Variants in CACNG7 observed in about 807,000 individuals in gnomAD.
CACNG7 encodes voltage-dependent calcium channel gamma-7 subunit.
CACNG7 carries 9 observed loss-of-function variants against 26.3 expected under a neutral mutation model. The ratio of observed to expected loss-of-function variants is 0.34; its 90% CI spans 0.21 to 0.60. CACNG7 has a LOEUF of 0.60. Ranked by LOEUF, CACNG7 falls within the 20% of genes least tolerant of loss-of-function variation. CACNG7 has a pLI of 0.81. For synonymous variants in CACNG7, 170 were observed against 157.0 expected, an observed-to-expected ratio of 1.08 and a Z score of -0.62; for missense variants, 297 against 380.4, an observed-to-expected ratio of 0.78 and a Z score of 1.82.
rs115206693 is a variant in CACNG7 at position 53,911,759 on chromosome 19, G to A, written c.-29-1044G>A. Among the ~76,000 whole-genome samples the A allele has an allele frequency of 2.5e-3, 385 of 152,306 alleles. 1 individual carries two copies. Among genetic ancestry groups the A allele is most frequent in the African/African-American group, 8.4e-3 (350 of 41,560 alleles). ...CGGTCAAACCCCTGAGCCGCCAGGC[G>A]GAGGATGGGAGGATGTCATGTGTGA... On this transcript the variant is annotated intron_variant, in intron 1 of 5. Transcript: ENST00000391767.
chr19:53,930,299 C>G (rs2069062916), intron 4 of CACNG7, among the ~76,000 whole-genome samples: 1 of 151,968 alleles, frequency 6.6e-6, no homozygotes, highest in Non-Finnish European at 1.5e-5. Flanking sequence ...ACCTCTGCCC[C>G]CTGGGTTCAA....
At chr19:53,923,974 G>C (rs77223782) in intron 4 of CACNG7, among the ~76,000 whole-genome samples, 14 of 141,840 alleles carry the variant, frequency 9.9e-5, no homozygotes, top group Non-Finnish European at 1.8e-4. Context: ...GGTATTGGTG[G>C]AGTTGTCCCC....
At chr19:53,919,375 G>C (rs2068920311) in intron 4 of CACNG7, among the ~76,000 whole-genome samples, 1 of 151,818 alleles carries the variant, frequency 6.6e-6, no homozygotes, top group Non-Finnish European at 1.5e-5. Flanking sequence ...AGTTGTCCCA[G>C]GTCTGGTCAT....
intron 4 of CACNG7, among the ~76,000 whole-genome samples, chr19:53,917,490 G>A (rs2068906185): frequency 6.6e-6 from 1 of 152,056 alleles, no homozygotes; most frequent in Non-Finnish European, 1.5e-5. Flanking sequence ...TCCAGTCTCT[G>A]CTCCTCACCC....
intron 4 of CACNG7, among the ~76,000 whole-genome samples, chr19:53,924,560 T>C (rs2069005805): frequency 7.0e-6 from 1 of 143,794 alleles, no homozygotes; most frequent in Non-Finnish European, 1.5e-5. Context: ...TTGTCCGAGG[T>C]CTGGTATTGG....
chr19:53,925,092 A>G (rs1411756111), intron 4 of CACNG7, among the ~76,000 whole-genome samples: 1 of 80,412 alleles, frequency 1.2e-5, no homozygotes, highest in Non-Finnish European at 2.2e-5. Flanking sequence ...AGGTCTGGTC[A>G]TTGGTGGACT....
intron 4 of CACNG7, among the ~76,000 whole-genome samples, chr19:53,931,295 C>T (rs191588915): frequency 1.3e-5 from 2 of 152,110 alleles, no homozygotes; most frequent in Non-Finnish European, 2.9e-5. Flanking sequence ...CAATTTAATA[C>T]ATTTTTAAAC....
chr19:53,942,249 A>G lies in CACNG7; in HGVS notation c.784A>G (p.Ile262Val), dbSNP rs778171763. The change falls in exon 6 of 6, where the codon ATC (isoleucine) becomes GTC (valine). Residue 262 changes from isoleucine to valine, a missense_variant. Transcript: ENST00000391767. The surrounding 1 kb of genome is among the most constrained non-coding windows in gnomAD (Gnocchi z 5.9). ...IQMTQNYPPA[I>V]KYPDHLHIST... ...AATGACGCAGAACTACCCTCCCGCCATCAAGTACCCGGACCACCTGCACAT... is the reference window on the plus strand; with the variant it reads ...AATGACGCAGAACTACCCTCCCGCCGTCAAGTACCCGGACCACCTGCACAT... 73 of 1,613,414 alleles carry G rather than the reference A, an allele frequency of 4.5e-5. 1 individual carries two copies. The South Asian group carries it at 7.2e-4, about 16-fold the overall frequency.
chr19:53,921,754 T>TATTGGTGGAGTTGTCCCAGGTCTGGTC (rs1568774709), intron 4 of CACNG7, among the ~76,000 whole-genome samples: 10 of 72,338 alleles, frequency 1.4e-4, no homozygotes, highest in East Asian at 7.6e-4. Flanking sequence ...CCAGGTCTGG[T>TATTGGTGGAGTTGTCCCAGGTCTGGTC]ATTGGTGGAG....
At chr19:53,910,301 A>T (rs1175990383) in intron 1 of CACNG7, among the ~76,000 whole-genome samples, 2 of 140,818 alleles carry the variant, frequency 1.4e-5, no homozygotes, top group African/African-American at 5.4e-5. Context: ...CAGGCGGGGG[A>T]TGGGAGGAAA....
chr19:53,915,439 A>G lies in CACNG7; in HGVS notation c.358A>G (p.Ile120Val), dbSNP rs750421026. ...GTTCACGGCCTTCGTCATCAGCAAC[A>G]TCGGCCACATCCGCCCGCAGAGGAC... Reference protein sequence around the residue: ...LVFTAFVISNIGHIRPQRTIL... With the variant: ...LVFTAFVISNVGHIRPQRTIL... The change falls in exon 4 of 6, where the codon ATC (isoleucine) becomes GTC (valine). Residue 120 changes from isoleucine (I) to valine (V), a missense_variant. Coordinates refer to ENST00000391767, the MANE Select transcript of CACNG7 (RefSeq NM_031896.5). 1 of 1,613,836 alleles carries G rather than the reference A, an allele frequency of 6.2e-7. No homozygotes were observed. Among genetic ancestry groups the G allele is most frequent in the African/African-American group, 1.3e-5 (1 of 74,828 alleles).
chr19:53,923,851 GC>G (rs1461545175), intron 4 of CACNG7, among the ~76,000 whole-genome samples: 17 of 121,652 alleles, frequency 1.4e-4, no homozygotes, highest in African/African-American at 6.1e-4. Flanking sequence ...GTTGCCCCAG[GC>G]CTGGTCATTG....
intron 1 of CACNG7, among the ~76,000 whole-genome samples, chr19:53,911,220 C>T (rs565958583): frequency 6.6e-6 from 1 of 151,972 alleles, no homozygotes; most frequent in East Asian, 1.9e-4. Context: ...TGTGAGCCAC[C>T]GTGCCCGGCT....
At chr19:53,913,884 T>C (rs1224379664) in intron 2 of CACNG7, among the ~76,000 whole-genome samples, 1 of 151,844 alleles carries the variant, frequency 6.6e-6, no homozygotes, top group African/African-American at 2.4e-5. Flanking sequence ...TCGTCCTCTT[T>C]AGGGACCACA....
At chr19:53,937,605 TC>T (rs1555812065) in intron 4 of CACNG7, among the ~76,000 whole-genome samples, 3 of 54,186 alleles carry the variant, frequency 5.5e-5, no homozygotes, top group Non-Finnish European at 1.1e-4. Flanking sequence ...TCCCCTCCCC[TC>T]CTTCTCGGAG....
intron 4 of CACNG7, among the ~76,000 whole-genome samples, chr19:53,919,457 G>GCTGGTCATTGGTGGACTTGCCCCAGGT (rs2068921473): frequency 8.9e-5 from 13 of 146,792 alleles, no homozygotes; most frequent in Non-Finnish European, 1.3e-4. Context: ...GTTGCCCCAG[G>GCTGGTCATTGGTGGACTTGCCCCAGGT]CTGGTCATTG....
intron 4 of CACNG7, among the ~76,000 whole-genome samples, chr19:53,921,569 GGTGGAGTT>G: frequency 7.9e-6 from 1 of 125,964 alleles, no homozygotes; most frequent in African/African-American, 3.6e-5. Flanking sequence ...GCTGGTCATT[GGTGGAGTT>G]GCCCCAGGTC....
chr19:53,938,476 G>A (rs1350289419), intron 4 of CACNG7, among the ~76,000 whole-genome samples: 1 of 152,150 alleles, frequency 6.6e-6, no homozygotes, highest in Non-Finnish European at 1.5e-5. Flanking sequence ...GAAGTTTTCT[G>A]TAAAGAGCCA....
chr19:53,942,180 C>T lies in CACNG7; in HGVS notation c.715C>T (p.Arg239Cys), dbSNP rs2069142021. The change falls in exon 6 of 6, where the codon CGC becomes TGC. Residue 239 changes from arginine to cysteine, a missense_variant. Coordinates refer to ENST00000391767, the MANE Select transcript of CACNG7 (RefSeq NM_031896.5). The surrounding 1 kb of genome is among the most constrained non-coding windows in gnomAD (Gnocchi z 5.9). ...GTTCCTGCAGCCCGAGGCGTGGCGCCGCGGCCGGAGCCCCTCCGACATCTC... is the reference window on the plus strand; with the variant it reads ...GTTCCTGCAGCCCGAGGCGTGGCGCTGCGGCCGGAGCCCCTCCGACATCTC... The part of the protein sequence containing the change: ...GQFLQPEAWR[R>C]GRSPSDISSD... The T allele has an allele frequency of 6.2e-7, 1 of 1,613,936 alleles. No individual in the cohort carries two copies. Among genetic ancestry groups the T allele is most frequent in the East Asian group, 2.2e-5 (1 of 44,876 alleles).
Sources: allele counts gnomAD v4.1 joint callset (sites outside exome capture counted in the v4.1 genomes callset), GRCh38; gene constraint gnomAD v4.1.1; non-coding constraint Gnocchi (gnomAD v3.1); transcripts MANE v1.5; gene names NCBI Gene and HGNC (gene_info 2026-07-23, HGNC 2026-07-21).